Variants in MEGF11 observed in about 807,000 individuals in gnomAD.
The protein encoded by MEGF11 is multiple epidermal growth factor-like domains protein 11.
MEGF11 carries 126 observed loss-of-function variants against 146.6 expected under a neutral mutation model. That is an observed-to-expected ratio of 0.86 (90% confidence interval 0.74 to 1.00). The LOEUF (loss-of-function observed/expected upper bound fraction) is 1.00, where lower values mean the gene tolerates loss of function less well. Ranked by LOEUF, MEGF11 falls within the 50% of genes least tolerant of loss-of-function variation. The pLI is 0.00. For missense variants in MEGF11, 1,509 were observed against 1,521.2 expected (o/e 0.99, Z 0.13); for synonymous variants, 532 against 583.4 (o/e 0.91, Z 1.27).
intron 1 of MEGF11, among the ~76,000 whole-genome samples, chr15:66,250,748 A>T (rs1411095291): frequency 6.6e-6 from 1 of 152,086 alleles, no homozygotes; most frequent in Non-Finnish European, 1.5e-5. Context: ...CTCTACTAAA[A>T]ATACAAAAAT....
At chr15:65,917,073 T>G in intron 16 of MEGF11, 117 bp from the exon 17 acceptor site, 1 of 1,160,384 alleles carries the variant, frequency 8.6e-7, no homozygotes, top group Non-Finnish European at 1.2e-6. Flanking sequence ...TGGCTGACAT[T>G]TCCTGGCTTT....
intron 5 of MEGF11, among the ~76,000 whole-genome samples, chr15:66,089,734 G>A (rs56350293): frequency 0.12 from 17,931 of 152,142 alleles, 1,259 homozygotes; most frequent in South Asian, 0.21. Context: ...TTCCCAGTGC[G>A]GAAATAAAAG....
chr15:66,048,763 C>T (rs908998170), intron 5 of MEGF11, among the ~76,000 whole-genome samples: 11 of 152,080 alleles, frequency 7.2e-5, no homozygotes, highest in African/African-American at 2.4e-4. Context: ...TAACTTGCCC[C>T]ACAAGTGACA....
intron 4 of MEGF11, among the ~76,000 whole-genome samples, chr15:66,116,516 C>T (rs1306231412): frequency 6.6e-6 from 1 of 152,156 alleles, no homozygotes; most frequent in Non-Finnish European, 1.5e-5. Context: ...TGTATCTATG[C>T]CCCTGCATCT....
intron 10 of MEGF11, among the ~76,000 whole-genome samples, chr15:65,942,278 T>A (rs2080021848): frequency 6.6e-6 from 1 of 152,208 alleles, no homozygotes; most frequent in African/African-American, 2.4e-5. Context: ...ATGTGTAATT[T>A]CATAATCTCC....
In MEGF11 at chr15:65,995,274, C is replaced by T. The variant is rs528460200; in HGVS notation, c.395-12786G>A. Among the ~76,000 whole-genome samples, 316 of 152,324 alleles carry T rather than the reference C, an allele frequency of 2.1e-3. 2 individuals carry two copies. Among genetic ancestry groups the T allele is most frequent in the African/African-American group, 7.4e-3 (308 of 41,566 alleles). ...GCTAGACCACTACTTCCCAAACTCT[C>T]CATGGGGAAAGACCAAGTGTCTTGT... On this transcript the variant is annotated intron_variant, in intron 5 of 25. Coordinates refer to ENST00000395614, the MANE Select transcript of MEGF11 (RefSeq NM_001385028.1).
chr15:66,231,076 AG>A (rs147871108), intron 1 of MEGF11, among the ~76,000 whole-genome samples: 3,516 of 152,282 alleles, frequency 0.023, 141 homozygotes, highest in African/African-American at 0.081. Flanking sequence ...AGAAAATACT[AG>A]GTTAAAGAAA....
chr15:66,247,927 C>G (rs564198353), intron 1 of MEGF11, among the ~76,000 whole-genome samples: 1 of 148,474 alleles, frequency 6.7e-6, no homozygotes, highest in Non-Finnish European at 1.5e-5. Flanking sequence ...TCCAGCCACT[C>G]GGGAGGCTGG....
chr15:66,179,092 A>T (rs1041546050), intron 1 of MEGF11, among the ~76,000 whole-genome samples: 6 of 151,988 alleles, frequency 3.9e-5, no homozygotes, highest in African/African-American at 1.4e-4. Context: ...TCAGCCCGGG[A>T]AGCATCACAG....
chr15:65,992,047 A>G (rs1052974392), intron 5 of MEGF11, among the ~76,000 whole-genome samples: 2 of 152,244 alleles, frequency 1.3e-5, no homozygotes, highest in Non-Finnish European at 2.9e-5. Context: ...CTGTCAGGCT[A>G]GAGACAAGGA....
chr15:66,065,606 G>A (rs1265551889), intron 5 of MEGF11, among the ~76,000 whole-genome samples: 1 of 152,212 alleles, frequency 6.6e-6, no homozygotes, highest in Non-Finnish European at 1.5e-5. Flanking sequence ...GTACTGAGGT[G>A]CCCTTGAAGT....
At chr15:66,218,966 G>A (rs192903930) in intron 1 of MEGF11, among the ~76,000 whole-genome samples, 1 of 58,732 alleles carries the variant, frequency 1.7e-5, no homozygotes, top group East Asian at 3.8e-4. Flanking sequence ...CAGAACAACT[G>A]GATATCCACA....
chr15:66,249,217 G>A (rs574062012), intron 1 of MEGF11, among the ~76,000 whole-genome samples: 1 of 152,336 alleles, frequency 6.6e-6, no homozygotes, highest in South Asian at 2.1e-4. Flanking sequence ...CACACTGGCT[G>A]TTCAGTTGTT....
intron 4 of MEGF11, among the ~76,000 whole-genome samples, chr15:66,110,461 G>A (rs2087335143): frequency 1.3e-5 from 2 of 152,134 alleles, no homozygotes; most frequent in South Asian, 4.1e-4. Context: ...GGGCTCTGTC[G>A]GGGGTGGACG....
At chr15:66,233,951 C>CTTTTTTTT (rs57240560) in intron 1 of MEGF11, among the ~76,000 whole-genome samples, 4 of 119,894 alleles carry the variant, frequency 3.3e-5, no homozygotes, top group Admixed American at 9.3e-5. Context: ...TTTTCTTTTT[C>CTTTTTTTT]TTTTTTTTTT....
chr15:66,116,689 AC>A (rs2087746888), intron 4 of MEGF11, among the ~76,000 whole-genome samples: 2 of 152,218 alleles, frequency 1.3e-5, no homozygotes, highest in African/African-American at 4.8e-5. Flanking sequence ...TTATATAGGT[AC>A]TATGCATTTT....
chr15:66,103,855 G>A (rs1018462915), intron 4 of MEGF11, among the ~76,000 whole-genome samples: 20 of 152,214 alleles, frequency 1.3e-4, no homozygotes, highest in African/African-American at 4.8e-4. Context: ...ACACTTTACA[G>A]CACAGACCCC....
At chr15:66,134,989 C>A (rs1436275817) in intron 1 of MEGF11, among the ~76,000 whole-genome samples, 1 of 152,236 alleles carries the variant, frequency 6.6e-6, no homozygotes, top group Non-Finnish European at 1.5e-5. Flanking sequence ...GGGTTCGAAT[C>A]CTACCCTTGC....
chr15:66,043,407 T>C (rs1227219343), intron 5 of MEGF11, among the ~76,000 whole-genome samples: 4 of 152,220 alleles, frequency 2.6e-5, no homozygotes, highest in African/African-American at 9.7e-5. Flanking sequence ...CCATCTGCTC[T>C]CCTGGCAGGA....
Sources: gnomAD v4.1 joint callset for allele counts (sites outside exome capture counted in the v4.1 genomes callset) on GRCh38, gnomAD v4.1.1 for gene constraint, MANE v1.5 for transcripts, NCBI Gene and HGNC (gene_info 2026-07-23, HGNC 2026-07-21) for gene names.